Variants in KCNG3 observed in about 807,000 individuals in gnomAD.
The protein encoded by KCNG3 is potassium voltage-gated channel modifier subfamily G member 3.
In KCNG3, 15 loss-of-function variants were observed where a neutral mutation model predicts 29.0. That is an observed-to-expected ratio of 0.52 (90% CI 0.35 to 0.80). KCNG3 has a LOEUF of 0.80. Ranked by LOEUF, KCNG3 falls within the 30% of genes least tolerant of loss-of-function variation. KCNG3 has a pLI of 0.01. For missense variants in KCNG3, 512 were observed against 605.7 expected, an observed-to-expected ratio of 0.85 and a Z score of 1.62; for synonymous variants, 322 against 248.9, an observed-to-expected ratio of 1.29 and a Z score of -2.76.
At chr2:42,439,285 A>T (rs1408747781), downstream of KCNG3, among the ~76,000 whole-genome samples, 5 of 151,688 alleles carry the variant, frequency 3.3e-5, no homozygotes, top group Non-Finnish European at 7.4e-5. Context: ...TGAGAGAGAG[A>T]GAGTTTCCCT....
At chr2:42,485,684 G>C (rs1427323316) in intron 1 of KCNG3, among the ~76,000 whole-genome samples, 1 of 152,062 alleles carries the variant, frequency 6.6e-6, no homozygotes, top group East Asian at 1.9e-4. Context: ...TCCTGACCTC[G>C]TGATCCACCC....
At chr2:42,421,637 T>C in the KCNG3 span, among the ~76,000 whole-genome samples, 1 of 152,188 alleles carries the variant, frequency 6.6e-6, no homozygotes, top group Non-Finnish European at 1.5e-5. Context: ...CAGTGTTTAT[T>C]TGGGGCCAGC....
At chr2:42,491,044 T>C (rs933270213) in intron 1 of KCNG3, among the ~76,000 whole-genome samples, 38 of 152,208 alleles carry the variant, frequency 2.5e-4, no homozygotes, top group African/African-American at 8.2e-4. Context: ...AAAAACATGC[T>C]TTTGCCTGAA....
At chr2:42,471,991 G>C (rs777454132) in intron 1 of KCNG3, among the ~76,000 whole-genome samples, 1 of 152,062 alleles carries the variant, frequency 6.6e-6, no homozygotes, top group Non-Finnish European at 1.5e-5. Flanking sequence ...AAATGGCAAG[G>C]ATATTGAACA....
downstream of KCNG3, among the ~76,000 whole-genome samples, chr2:42,440,636 G>C (rs1672452162): frequency 6.6e-6 from 1 of 152,068 alleles, no homozygotes; most frequent in Non-Finnish European, 1.5e-5. Flanking sequence ...AAATAATTTT[G>C]ACTTATTGAC....
the KCNG3 span, among the ~76,000 whole-genome samples, chr2:42,424,267 T>A: frequency 1.3e-5 from 2 of 152,122 alleles, no homozygotes; most frequent in Non-Finnish European, 2.9e-5. Context: ...CTCACTGTAT[T>A]CACAGCCTGA....
At chr2:42,457,625 T>TCACACACACACACA (rs1268751139) in intron 1 of KCNG3, among the ~76,000 whole-genome samples, 2 of 42,864 alleles carry the variant, frequency 4.7e-5, no homozygotes, top group Admixed American at 3.0e-4. Flanking sequence ...GGCAGGCAGA[T>TCACACACACACACA]CTCACACACA....
At chr2:42,481,078 G>C (rs997577509) in intron 1 of KCNG3, among the ~76,000 whole-genome samples, 3 of 152,030 alleles carry the variant, frequency 2.0e-5, no homozygotes, top group Non-Finnish European at 4.4e-5. Flanking sequence ...ACTGCGCCTG[G>C]CCAAAATCCA....
intron 1 of KCNG3, among the ~76,000 whole-genome samples, chr2:42,484,003 G>A (rs757113693): frequency 3.9e-5 from 6 of 152,160 alleles, no homozygotes; most frequent in Admixed American, 2.0e-4. Context: ...GGCTGGTCTC[G>A]AACTCCTGAG....
chr2:42,458,014 C>G (rs960861131), intron 1 of KCNG3, among the ~76,000 whole-genome samples: 1 of 152,062 alleles, frequency 6.6e-6, no homozygotes, highest in African/African-American at 2.4e-5. Context: ...CTGACTAAGT[C>G]ATACCTTGAA....
At chr2:42,429,024 G>C in the KCNG3 span, among the ~76,000 whole-genome samples, 1 of 151,876 alleles carries the variant, frequency 6.6e-6, no homozygotes, top group African/African-American at 2.4e-5. Context: ...GAGGCTGAGG[G>C]AGGAGGATCA....
At chr2:42,413,253 C>G in the KCNG3 span, among the ~76,000 whole-genome samples, 2 of 152,206 alleles carry the variant, frequency 1.3e-5, no homozygotes, top group African/African-American at 4.8e-5. Context: ...AATCCTCCCT[C>G]CTCAGCATCC....
chr2:42,430,210 T>C, the KCNG3 span, among the ~76,000 whole-genome samples: 2 of 149,264 alleles, frequency 1.3e-5, no homozygotes, highest in Non-Finnish European at 3.0e-5. Context: ...CTACAAAAAA[T>C]AAATAAAATT....
At chr2:42,435,906 G>A in the KCNG3 span, among the ~76,000 whole-genome samples, 2 of 152,130 alleles carry the variant, frequency 1.3e-5, no homozygotes, top group Admixed American at 1.3e-4. Flanking sequence ...AACAGAAAAA[G>A]AAACCCTATG....
chr2:42,472,205 C>T (rs1408574603), intron 1 of KCNG3, among the ~76,000 whole-genome samples: 2 of 152,148 alleles, frequency 1.3e-5, no homozygotes, highest in Non-Finnish European at 2.9e-5. Context: ...AGCAAAATTT[C>T]TGTGAACAAA....
At chr2:42,397,543 T>G in the KCNG3 span, among the ~76,000 whole-genome samples, 3 of 152,028 alleles carry the variant, frequency 2.0e-5, no homozygotes, top group Non-Finnish European at 4.4e-5. Flanking sequence ...AAAAATTAAA[T>G]GAAAAGAAAA....
the KCNG3 span, among the ~76,000 whole-genome samples, chr2:42,399,112 A>C: frequency 3.1e-5 from 4 of 130,252 alleles, no homozygotes; most frequent in Non-Finnish European, 6.1e-5. Context: ...GCTGGAGTGC[A>C]GTGACTGCAT....
At chr2:42,430,465 G>C in the KCNG3 span, among the ~76,000 whole-genome samples, 2 of 151,922 alleles carry the variant, frequency 1.3e-5, no homozygotes, top group Non-Finnish European at 2.9e-5. Context: ...AAAATATTAA[G>C]CAGGCCAGGT....
the KCNG3 span, among the ~76,000 whole-genome samples, chr2:42,418,256 C>G: frequency 6.6e-6 from 1 of 152,126 alleles, no homozygotes; most frequent in Admixed American, 6.5e-5. Context: ...TCAAGGTTCA[C>G]CCATGTTGTA....
Sources: gnomAD v4.1 joint callset for allele counts (sites outside exome capture counted in the v4.1 genomes callset) on GRCh38, gnomAD v4.1.1 for gene constraint, MANE v1.5 for transcripts, NCBI Gene and HGNC (gene_info 2026-07-23, HGNC 2026-07-21) for gene names.